The following NAV2 variants were observed in gnomAD, a reference collection of about 807,000 sequenced individuals.
NAV2 encodes the protein helicase, APC down-regulated 1.
NAV2 carries 54 observed loss-of-function variants against 223.2 expected under a neutral mutation model. The observed-to-expected ratio is 0.24, with a 90% CI of 0.19 to 0.30. The LOEUF (loss-of-function observed/expected upper bound fraction) is 0.30, where lower values mean the gene tolerates loss of function less well. NAV2 is among the 10% of genes least tolerant of loss of function. The pLI is 1.00. For missense variants in NAV2, 2,806 were observed against 3,147.5 expected, an observed-to-expected ratio of 0.89 and a Z score of 2.60; for synonymous variants, 1,279 against 1,239.3, an observed-to-expected ratio of 1.03 and a Z score of -0.67.
chr11:19,718,183 C>A (rs1425888137), intron 1 of NAV2, among the ~76,000 whole-genome samples: 1 of 152,088 alleles, frequency 6.6e-6, no homozygotes, highest in Non-Finnish European at 1.5e-5. Context: ...GCTCTGTTAA[C>A]ATGTGAATAA....
At chr11:19,437,688 T>C (rs1851261908) in intron 1 of NAV2, among the ~76,000 whole-genome samples, 1 of 149,710 alleles carries the variant, frequency 6.7e-6, no homozygotes. Flanking sequence ...TAACATTCAC[T>C]ATGATTTATG....
At chr11:20,028,740 T>G (rs924821714) in intron 11 of NAV2, among the ~76,000 whole-genome samples, 5 of 152,198 alleles carry the variant, frequency 3.3e-5, no homozygotes, top group Admixed American at 2.0e-4. Flanking sequence ...ATAAATAATG[T>G]GCCTACTACA....
chr11:19,416,086 T>A (rs999097374), intron 1 of NAV2, among the ~76,000 whole-genome samples: 5 of 152,186 alleles, frequency 3.3e-5, no homozygotes, highest in African/African-American at 1.2e-4. Context: ...TATTGGAAGT[T>A]CTGGCCAGGG....
intron 1 of NAV2, among the ~76,000 whole-genome samples, chr11:19,442,305 T>C (rs1187589973): frequency 6.6e-6 from 1 of 152,262 alleles, no homozygotes; most frequent in Non-Finnish European, 1.5e-5. Context: ...TTTCCCCTGC[T>C]CATTGCCTGA....
intron 8 of NAV2, among the ~76,000 whole-genome samples, chr11:19,945,212 T>A: frequency 8.0e-6 from 1 of 125,316 alleles, no homozygotes; most frequent in Non-Finnish European, 1.7e-5. Flanking sequence ...CTTTCTTTCC[T>A]TTCCTTCCTT....
At chr11:19,788,881 C>T (rs1028360851) in intron 1 of NAV2, among the ~76,000 whole-genome samples, 2 of 152,086 alleles carry the variant, frequency 1.3e-5, no homozygotes, top group Non-Finnish European at 2.9e-5. Context: ...TCCCTGATCC[C>T]TCTGTCTCAT....
At chr11:19,928,063 G>A (rs1159890744) in intron 6 of NAV2, among the ~76,000 whole-genome samples, 1 of 152,066 alleles carries the variant, frequency 6.6e-6, no homozygotes, top group African/African-American at 2.4e-5. Context: ...TGAGCCTTCT[G>A]GTTTGATTTC....
chr11:19,587,173 G>A (rs894113567), intron 1 of NAV2, among the ~76,000 whole-genome samples: 3 of 152,166 alleles, frequency 2.0e-5, no homozygotes, highest in East Asian at 1.9e-4. Flanking sequence ...AGGACCCTCC[G>A]AGCCAGGTGC....
intron 1 of NAV2, among the ~76,000 whole-genome samples, chr11:19,648,882 C>A (rs1013220642): frequency 2.6e-5 from 4 of 152,106 alleles, no homozygotes; most frequent in African/African-American, 9.7e-5. Flanking sequence ...CACCTAGAAA[C>A]AATTAATGTT....
rs10833249 is a variant in NAV2, at chr11:20,119,868, A to G, written c.*1610A>G. 88,154 of 152,114 alleles carry G rather than the reference A, an allele frequency of 0.58. 30,710 individuals are homozygous for G. The highest frequency in any genetic ancestry group is 0.8 in the South Asian group (3,852 of 4,802). 9.4% of individuals were successfully genotyped at this position (152,114 alleles called of 1,614,324 possible). A position where few individuals can be genotyped will look rare whatever the true frequency, so the allele number is the denominator to read the frequency against. On this transcript the variant is annotated 3_prime_UTR_variant, in exon 38 of 38. Transcript: ENST00000349880. ...TTAGGTTCTTTTCGGTCTCCAGCTG[A>G]CAACCCAACTGGACAATGATCTGTC...
chr11:20,075,868 A>G (rs1232786792), intron 22 of NAV2, among the ~76,000 whole-genome samples: 1 of 149,076 alleles, frequency 6.7e-6, no homozygotes, highest in Non-Finnish European at 1.5e-5. Flanking sequence ...CAAATCTCAC[A>G]TCTCCCAAGC....
chr11:19,787,268 A>ATTTTTT (rs1565315820), intron 1 of NAV2, among the ~76,000 whole-genome samples: 7 of 29,404 alleles, frequency 2.4e-4, no homozygotes, highest in African/African-American at 9.5e-4. Flanking sequence ...TTTTTATTGG[A>ATTTTTT]TCTTTTTTTT....
chr11:19,440,316 T>C (rs1851354832), intron 1 of NAV2, among the ~76,000 whole-genome samples: 1 of 152,026 alleles, frequency 6.6e-6, no homozygotes, highest in Admixed American at 6.6e-5. Context: ...GTGGTGGTGG[T>C]GATGGTCAGG....
chr11:19,963,826 C>A lies in NAV2; in HGVS notation c.2645+14746C>A, dbSNP rs11025346. On this transcript the variant is annotated intron_variant, in intron 10 of 37. Transcript: ENST00000349880. ...TGGAAATGAAAACCGATGAGGTGCT[C>A]AGAGGCAGGAAAGTTCAGATCAAGA... 1.1e-3 allele frequency among the ~76,000 whole-genome samples: 170 copies of A among 152,296 alleles called. No individual in the cohort carries two copies. In the East Asian group the frequency reaches 0.022, roughly 20 times the overall value.
intron 1 of NAV2, among the ~76,000 whole-genome samples, chr11:19,826,755 T>A (rs966541468): frequency 6.6e-6 from 1 of 152,254 alleles, no homozygotes; most frequent in Non-Finnish European, 1.5e-5. Flanking sequence ...TTATTTTCCC[T>A]GCTCCCTGCT....
chr11:19,996,652 A>T (rs2051918984), intron 11 of NAV2, among the ~76,000 whole-genome samples: 1 of 152,194 alleles, frequency 6.6e-6, no homozygotes, highest in Admixed American at 6.5e-5. Flanking sequence ...TGCCTCCTCT[A>T]GGAGCAGCCT....
At chr11:19,696,557 G>A (rs185096542) in intron 1 of NAV2, among the ~76,000 whole-genome samples, 1 of 152,354 alleles carries the variant, frequency 6.6e-6, no homozygotes, top group Admixed American at 6.5e-5. Flanking sequence ...TCACAGTGGA[G>A]TCCTCAGCCA....
chr11:19,546,823 G>A (rs1335391277), intron 1 of NAV2, among the ~76,000 whole-genome samples: 1 of 152,076 alleles, frequency 6.6e-6, no homozygotes, highest in African/African-American at 2.4e-5. Context: ...CTAATACACA[G>A]CACTTTCTAA....
intron 14 of NAV2, among the ~76,000 whole-genome samples, chr11:20,048,323 C>T (rs987992237): frequency 3.3e-5 from 5 of 152,198 alleles, no homozygotes; most frequent in Admixed American, 6.5e-5. Flanking sequence ...TGTGTGCCTG[C>T]TTTATGCCTG....
Sources: allele counts gnomAD v4.1 joint callset (sites outside exome capture counted in the v4.1 genomes callset), GRCh38; gene constraint gnomAD v4.1.1; transcripts MANE v1.5; gene names NCBI Gene and HGNC (gene_info 2026-07-23, HGNC 2026-07-21).